The following DPP8 variants were observed in gnomAD, a reference collection of about 807,000 sequenced individuals.
DPP8 encodes DPP VIII.
A neutral mutation model predicts 107.5 loss-of-function variants in DPP8; 31 were observed. That is an observed-to-expected ratio of 0.29 (90% CI 0.22 to 0.39). DPP8 has a LOEUF of 0.39. Among genes scored for constraint, DPP8 ranks in the 10% least tolerant of loss-of-function variants. DPP8 has a pLI of 1.00. For synonymous variants in DPP8, 381 were observed against 356.6 expected (o/e 1.07, Z -0.77); for missense variants, 842 against 1,076.1 (o/e 0.78, Z 3.04).
At chr15:65,465,716 C>T (rs1217991069) in intron 14 of DPP8, among the ~76,000 whole-genome samples, 5 of 151,752 alleles carry the variant, frequency 3.3e-5, no homozygotes, top group South Asian at 2.1e-4. Flanking sequence ...CCACCACACC[C>T]GGCTAATTTT....
At position 65,487,735 on chromosome 15, in the gene DPP8, T is replaced by C. The variant is rs1461340797; in HGVS notation, c.910A>G (p.Met304Val). 9 of 1,608,702 alleles carry C rather than the reference T, an allele frequency of 5.6e-6. No homozygotes were observed. Among genetic ancestry groups the C allele is most frequent in the Middle Eastern group, 1.6e-4 (1 of 6,078 alleles). Residue 304 changes from methionine (M) to valine (V), a missense_variant, in exon 7 of 20, where the codon ATG becomes GTG. By Grantham distance (21) the Met-to-Val change is conservative. Around this residue, in one of 2 missense-constraint regions of DPP8, gnomAD observed 663 missense variants for 758.0 expected, o/e 0.87. Coordinates refer to ENST00000300141, the MANE Select transcript of DPP8 (RefSeq NM_130434.5). ...GAATCTGCCCTCCTTGTTTCCAACA[T>C]AGGGGATGTAACATGAATAATTTCC... ...EVEIIHVTSPMLETRRADSFR... is the reference protein window; with the variant it reads ...EVEIIHVTSPVLETRRADSFR...
chr15:65,462,126 G>A (rs781030118), intron 15 of DPP8, among the ~76,000 whole-genome samples: 45 of 151,644 alleles, frequency 3.0e-4, no homozygotes, highest in Non-Finnish European at 5.7e-4. Context: ...CTGCCACTGC[G>A]CCCGACTAAT....
chr15:65,484,678 A>G (rs1208383023), intron 8 of DPP8, among the ~76,000 whole-genome samples: 1 of 148,790 alleles, frequency 6.7e-6, no homozygotes, highest in Non-Finnish European at 1.5e-5. Flanking sequence ...AAAAAAGTCT[A>G]GAAGAGCAAG....
In DPP8 at chr15:65,445,170, C is replaced by G. The variant is rs1487639315; in HGVS notation, c.*1714G>C. The G allele has an allele frequency of 6.6e-6, 1 of 152,244 alleles. No homozygotes were observed. The highest frequency in any genetic ancestry group is 1.9e-4 in the East Asian group (1 of 5,200). 9.4% of individuals were successfully genotyped at this position (152,244 alleles called of 1,614,324 possible). ...TCATCCTGCCATTTCTGGGCTTTCC[C>G]TACCTCCCACTTGGTGTCAATGAAG... is the stretch of plus-strand genomic sequence containing the variant. On this transcript the variant is annotated 3_prime_UTR_variant, in exon 20 of 20. Transcript: ENST00000300141.
chr15:65,450,876 T>G, intron 19 of DPP8, 123 bp downstream of exon 19: 1 of 628,948 alleles, frequency 1.6e-6, no homozygotes, highest in Non-Finnish European at 2.8e-6. Context: ...GCCTCTTACT[T>G]TAGTTCTCTT....
rs564841075 is a variant in DPP8, at chr15:65,507,137, AT to A, written c.372+105del. ...CATGCAAAAACATAAAAACATCTTA[AT>A]TTTTTTTATTTACATCTACTTCAAA... is the stretch of plus-strand genomic sequence containing the variant. On this transcript the variant is annotated intron_variant, in intron 3 of 19. Coordinates refer to ENST00000300141, the MANE Select transcript of DPP8 (RefSeq NM_130434.5). 1,131 of 568,378 alleles carry A rather than the reference AT, an allele frequency of 2.0e-3. 6 individuals carry two copies. The highest frequency in any genetic ancestry group is 0.02 in the African/African-American group (1,016 of 51,190). 35.2% of individuals were successfully genotyped at this position (568,378 alleles called of 1,614,324 possible).
chr15:65,451,962 A>G lies in DPP8; in HGVS notation c.2412T>C (p.Ser804=). 2 of 1,582,580 alleles carry G rather than the reference A, an allele frequency of 1.3e-6. No homozygotes were observed. Among genetic ancestry groups the G allele is most frequent in the South Asian group, 2.3e-5 (2 of 85,244 alleles). Residue 804 remains serine (S), a splice_region_variant and synonymous_variant, in exon 18 of 20, where the codon TCT becomes TCC. Transcript: ENST00000300141. ...AAAAAAAAAAAGCTTGCACTTACTC[A>G]GAGGGGAACTTTTCTGCTTGCATGG... The part of the protein sequence containing the change: ...SVAMQAEKFP[S]EPNRLLLLHG...
At chr15:65,490,866 G>T (rs1478732353) in intron 5 of DPP8, among the ~76,000 whole-genome samples, 3 of 152,042 alleles carry the variant, frequency 2.0e-5, no homozygotes, top group Non-Finnish European at 4.4e-5. Context: ...CCATAATTAT[G>T]TAAGATTTTG....
intron 7 of DPP8, among the ~76,000 whole-genome samples, chr15:65,486,846 G>A (rs374541363): frequency 2.0e-5 from 3 of 152,162 alleles, no homozygotes; most frequent in East Asian, 1.9e-4. Context: ...GGTGGTGGGT[G>A]TGAGGAATAA....
chr15:65,503,019 C>T (rs2069438153), intron 3 of DPP8, among the ~76,000 whole-genome samples: 1 of 152,056 alleles, frequency 6.6e-6, no homozygotes, highest in South Asian at 2.1e-4. Context: ...TGCCTTTTTT[C>T]CAGATATAGA....
intron 19 of DPP8, among the ~76,000 whole-genome samples, chr15:65,448,276 G>C (rs1259366426): frequency 1.3e-5 from 2 of 152,006 alleles, no homozygotes; most frequent in Non-Finnish European, 1.5e-5. Flanking sequence ...AGCTCACCCT[G>C]CAATCTTAGC....
chr15:65,501,991 G>A (rs1699326621), intron 3 of DPP8, among the ~76,000 whole-genome samples: 1 of 152,186 alleles, frequency 6.6e-6, no homozygotes, highest in Non-Finnish European at 1.5e-5. Context: ...CTGGATTCAG[G>A]TGATTCTCAT....
intron 12 of DPP8, among the ~76,000 whole-genome samples, chr15:65,470,535 G>A (rs1264466011): frequency 1.3e-5 from 2 of 150,804 alleles, no homozygotes; most frequent in Non-Finnish European, 2.9e-5. Flanking sequence ...GAACCTGGGA[G>A]GCAGAGGTTA....
At chr15:65,453,331 C>T (rs1220072162) in intron 17 of DPP8, among the ~76,000 whole-genome samples, 1 of 152,152 alleles carries the variant, frequency 6.6e-6, no homozygotes, top group Non-Finnish European at 1.5e-5. Context: ...TTTTACTAAT[C>T]ATAACCATCT....
Position 65,512,449 on chromosome 15 carries a change from A to G in DPP8, c.105T>C (p.Phe35=), listed in dbSNP as rs149888979. ...GACTCCAGGAATACCGCTCAACATA[A>G]AAAGGCTCCAATTTAGGCCGATCCT... ...ESQDRPKLEP[F]YVERYSWSQL... is the part of the protein sequence containing the mutation. The change falls in exon 2 of 20, where the codon TTT becomes TTC. Residue 35 remains phenylalanine (F), a synonymous_variant. Coordinates refer to ENST00000300141, the MANE Select transcript of DPP8 (RefSeq NM_130434.5). 44 of 1,614,112 alleles carry G rather than the reference A, an allele frequency of 2.7e-5. 1 individual carries two copies. The East Asian group carries it at 8.9e-4, about 33-fold the overall frequency.
chr15:65,470,458 T>C (rs1349456620), intron 12 of DPP8, among the ~76,000 whole-genome samples: 1 of 151,132 alleles, frequency 6.6e-6, no homozygotes, highest in Non-Finnish European at 1.5e-5. Context: ...ATACAAAAAT[T>C]AGCCAGGCTT....
rs772695091 is a variant in DPP8, at chr15:65,442,668, C to T, written c.*4216G>A. On this transcript the variant is annotated 3_prime_UTR_variant, in exon 20 of 20. Coordinates refer to ENST00000300141, the MANE Select transcript of DPP8 (RefSeq NM_130434.5). ...GTTCTAAAATTAAACACCTGAATTC[C>T]AATTTTGCTGAATACAATATAAATT... 12 of 152,076 alleles carry T rather than the reference C, an allele frequency of 7.9e-5. No homozygotes were observed. Among genetic ancestry groups the T allele is most frequent in the Non-Finnish European group, 1.2e-4 (8 of 68,014 alleles). The allele number at this position is 152,076 out of a possible 1,614,324, so 9.4% of individuals were successfully genotyped here.
intron 19 of DPP8, 124 bp downstream of exon 19, chr15:65,450,874 CT>C: frequency 1.6e-6 from 1 of 623,554 alleles, no homozygotes; most frequent in Middle Eastern, 4.4e-4. Context: ...ATGCCTCTTA[CT>C]TTAGTTCTCT....
At position 65,480,348 on chromosome 15, in the gene DPP8, C is replaced by G; in HGVS notation, c.1170G>C (p.Leu390Phe). Residue 390 changes from leucine (L) to phenylalanine (F), a missense_variant, in exon 10 of 20, where the codon TTG (leucine) becomes TTC (phenylalanine). Around this residue, in one of 2 missense-constraint regions of DPP8, gnomAD observed 663 missense variants for 758.0 expected, o/e 0.87. Coordinates refer to ENST00000300141, the MANE Select transcript of DPP8 (RefSeq NM_130434.5). ...DRSQTRLQIV[L>F]ISPELFIPVE... ...CTGGGATAAATAATTCAGGTGAGAT[C>G]AACACTATCTGTAGGCGAGTCTGGG... is the stretch of plus-strand genomic sequence containing the variant. 1 of 1,613,548 alleles carries G rather than the reference C, an allele frequency of 6.2e-7. No homozygotes were observed. Among genetic ancestry groups the G allele is most frequent in the Non-Finnish European group, 8.5e-7 (1 of 1,179,866 alleles).
Sources: allele counts gnomAD v4.1 joint callset (sites outside exome capture counted in the v4.1 genomes callset), GRCh38; gene constraint gnomAD v4.1.1; regional missense constraint gnomAD v4.1.1; transcripts MANE v1.5; gene names NCBI Gene and HGNC (gene_info 2026-07-23, HGNC 2026-07-21).